Variants in TGM4 observed in about 807,000 individuals in gnomAD.
TGM4 encodes transglutaminase 4.
TGM4 carries 61 observed loss-of-function variants against 76.3 expected under a neutral mutation model. The observed-to-expected ratio is 0.80, with a 90% CI of 0.65 to 0.99. The LOEUF (loss-of-function observed/expected upper bound fraction) is 0.99, where lower values mean the gene tolerates loss of function less well. Ranked by LOEUF, TGM4 falls within the 50% of genes least tolerant of loss-of-function variation. The pLI is 0.00. For missense variants in TGM4, 794 were observed against 843.2 expected (o/e 0.94, Z 0.72); for synonymous variants, 337 against 329.8 (o/e 1.02, Z -0.24).
rs1044497896 is a variant in TGM4, at chr3:44,910,141, C to T, written c.1379C>T (p.Ser460Phe). 1.1e-5 allele frequency: 17 copies of T among 1,614,188 alleles called. No individual in the cohort carries two copies. Among genetic ancestry groups the T allele is most frequent in the Non-Finnish European group, 1.4e-5 (17 of 1,180,038 alleles). Residue 460 changes from serine (S) to phenylalanine (F), a missense_variant, in exon 11 of 14, where the codon TCT (serine) becomes TTT (phenylalanine). Transcript: ENST00000296125. Reference sequence around the variant, plus strand: ...GATCATGCCTTCCTCCTTCTCAGTTCTGAGAGGGAGCACAGACGACCTGTA... The same window carrying T: ...GATCATGCCTTCCTCCTTCTCAGTTTTGAGAGGGAGCACAGACGACCTGTA... ...VMDHAFLLLS[S>F]EREHRRPVKE...
intron 1 of TGM4, among the ~76,000 whole-genome samples, chr3:44,883,658 C>T (rs903616799): frequency 5.9e-5 from 9 of 152,176 alleles, no homozygotes; most frequent in African/African-American, 1.9e-4. Flanking sequence ...CTGGAGGCAG[C>T]AGGTTCCCAG....
Position 44,901,658 on chromosome 3 carries a change from C to A in TGM4, c.792C>A (p.Cys264Ter), listed in dbSNP as rs750841542. ...QQYYNTKQAV[C>*]FGQCWVFAGI... ...ACTACAACACGAAGCAGGCTGTGTG[C>A]TTTGGCCAGTGCTGGGTGTTTGCTG... is the stretch of plus-strand genomic sequence containing the variant. The change falls in exon 7 of 14, where the codon TGC (cysteine) becomes TGA (stop). Residue 264 changes from cysteine to a stop codon, truncating the protein, a stop_gained. Transcript: ENST00000296125. LOFTEE classifies it high-confidence loss of function. 6 of 1,614,212 alleles carry A rather than the reference C, an allele frequency of 3.7e-6. No individual in the cohort carries two copies. Among genetic ancestry groups the A allele is most frequent in the Non-Finnish European group, 5.1e-6 (6 of 1,180,036 alleles).
rs1189091023 is a variant in TGM4, at chr3:44,911,048, T to C, written c.1697T>C (p.Ile566Thr). 1.9e-6 allele frequency: 3 copies of C among 1,614,106 alleles called. No individual in the cohort carries two copies. Among genetic ancestry groups the C allele is most frequent in the African/African-American group, 1.3e-5 (1 of 74,936 alleles). Residue 566 changes from isoleucine (I) to threonine (T), a missense_variant, in exon 12 of 14, where the codon ATT (isoleucine) becomes ACT (threonine). Physicochemically the swap from Ile to Thr is moderately conservative, Grantham distance 89. Coordinates refer to ENST00000296125, the MANE Select transcript of TGM4 (RefSeq NM_003241.4). ...DDEPVIRGFI[I>T]AEIVESKEIM... ...GAGCCAGTTATCAGAGGTTTCATCA[T>C]TGCGGAAATTGTGGAGTCTAAGGAA...
At chr3:44,880,593 C>G (rs1406954057) in intron 1 of TGM4, among the ~76,000 whole-genome samples, 1 of 152,094 alleles carries the variant, frequency 6.6e-6, no homozygotes, top group Non-Finnish European at 1.5e-5. Context: ...GAAAAATCAG[C>G]AAAGGGAAAA....
In TGM4 at chr3:44,913,607, T is replaced by C. The variant is rs1700038289; in HGVS notation, c.1937T>C (p.Ile646Thr). The C allele has an allele frequency of 6.2e-7, 1 of 1,614,126 alleles. No homozygotes were observed. The highest frequency in any genetic ancestry group is 1.1e-5 in the South Asian group (1 of 91,072). Residue 646 changes from isoleucine to threonine, a missense_variant, in exon 14 of 14, where the codon ATC (isoleucine) becomes ACC (threonine). By Grantham distance (89) the Ile-to-Thr change is moderately conservative. Coordinates refer to ENST00000296125, the MANE Select transcript of TGM4 (RefSeq NM_003241.4). ...DHGTVQPGETIQSQIKCTPIK... is the reference protein window; with the variant it reads ...DHGTVQPGETTQSQIKCTPIK... The stretch of plus-strand genomic sequence containing the variant: ...AGGACGGTGCAGCCTGGTGAGACCA[T>C]CCAATCCCAAATAAAATGCACCCCA...
chr3:44,893,764 G>A (rs1699736515), intron 5 of TGM4, 69 bp downstream of exon 5: 2 of 1,333,294 alleles, frequency 1.5e-6, no homozygotes, highest in South Asian at 2.4e-5. Flanking sequence ...CTGGGTAGTA[G>A]TCAGTAAAGG....
rs767122963 is a variant in TGM4, at chr3:44,910,283, G to T, written c.1521G>T (p.Leu507Phe). 4 of 1,614,124 alleles carry T rather than the reference G, an allele frequency of 2.5e-6. No individual in the cohort carries two copies. Among genetic ancestry groups the T allele is most frequent in the Non-Finnish European group, 3.4e-6 (4 of 1,180,022 alleles). Residue 507 changes from leucine to phenylalanine, a missense_variant, in exon 11 of 14, where the codon TTG becomes TTT. Physicochemically the swap from Leu to Phe is conservative, Grantham distance 22. Transcript: ENST00000296125. The part of the protein sequence containing the change: ...KTAALQNVNI[L>F]GSFELQLYTG... ...CTGCCCTACAGAATGTCAACATCTTGGGCTCCTTTGAACTACAGTTGTACA... is the reference window on the plus strand; with the variant it reads ...CTGCCCTACAGAATGTCAACATCTTTGGCTCCTTTGAACTACAGTTGTACA...
chr3:44,885,250 T>C (rs1346823468), intron 1 of TGM4, 75 bp from the exon 2 acceptor site: 1 of 1,464,802 alleles, frequency 6.8e-7, no homozygotes, highest in African/African-American at 1.4e-5. Flanking sequence ...CTCTCAGATT[T>C]TGAACCCAGA....
intron 3 of TGM4, among the ~76,000 whole-genome samples, chr3:44,889,377 G>A (rs1272965560): frequency 6.6e-6 from 1 of 151,910 alleles, no homozygotes; most frequent in Non-Finnish European, 1.5e-5. Context: ...CTCAAATGTG[G>A]CACATCCTAT....
Position 44,910,944 on chromosome 3 carries a change from T to G in TGM4, c.1607-14T>G. The stretch of plus-strand genomic sequence containing the variant: ...GATGAATGACCTCTCCCCTCCACCC[T>G]GACTCTTTGGCAGTATCAGAAGTGA... On this transcript the variant is annotated splice_polypyrimidine_tract_variant and intron_variant, in intron 11 of 13. Coordinates refer to ENST00000296125, the MANE Select transcript of TGM4 (RefSeq NM_003241.4). The G allele has an allele frequency of 6.2e-7, 1 of 1,612,532 alleles. No homozygotes were observed. The highest frequency in any genetic ancestry group is 8.5e-7 in the Non-Finnish European group (1 of 1,178,630).
In TGM4 at chr3:44,885,420, G is replaced by A. The variant is rs1291447536; in HGVS notation, c.115G>A (p.Gly39Arg). 6.2e-6 allele frequency: 10 copies of A among 1,613,676 alleles called. No homozygotes were observed. The highest frequency in any genetic ancestry group is 1.3e-5 in the African/African-American group (1 of 74,878). ...FQTSSPVFRR[G>R]QVFHLRLVLN... ...AACGAGCAGTCCTGTGTTCCGGCGA[G>A]GACAGGTGTTTCACCTGCGGCTGGT... Residue 39 changes from glycine (G) to arginine (R), a missense_variant, in exon 2 of 14, where the codon GGA becomes AGA. Gly to Arg is a moderately radical substitution (Grantham distance 125, BLOSUM62 -2). Coordinates refer to ENST00000296125, the MANE Select transcript of TGM4 (RefSeq NM_003241.4).
chr3:44,900,923 C>T (rs543905497), intron 6 of TGM4: 2 of 153,242 alleles, frequency 1.3e-5, no homozygotes, highest in South Asian at 2.1e-4. Context: ...CAGGCATAGG[C>T]TTAACCCAGG....
chr3:44,894,852 T>A (rs746600487), intron 5 of TGM4, among the ~76,000 whole-genome samples: 3 of 151,978 alleles, frequency 2.0e-5, no homozygotes, highest in Non-Finnish European at 2.9e-5. Context: ...CACTCATTCC[T>A]AGAAGGCCCT....
chr3:44,889,507 CA>C (rs1222208932), intron 3 of TGM4, among the ~76,000 whole-genome samples: 1 of 151,140 alleles, frequency 6.6e-6, no homozygotes, highest in Non-Finnish European at 1.5e-5. Flanking sequence ...GACTCTGTCT[CA>C]AAAAAAAGGG....
chr3:44,910,917 A>G lies in TGM4; in HGVS notation c.1607-41A>G, dbSNP rs1349483562. 3.7e-6 allele frequency: 6 copies of G among 1,600,752 alleles called. No individual in the cohort carries two copies. In the South Asian group the frequency reaches 5.6e-5, roughly 15 times the overall value. On this transcript the variant is annotated intron_variant, in intron 11 of 13. Transcript: ENST00000296125. ...TGAGGAGAACTCATACTGGGGGGGT[A>G]TGATGAATGACCTCTCCCCTCCACC...
chr3:44,877,859 T>C (rs974285037), intron 1 of TGM4, among the ~76,000 whole-genome samples: 1 of 152,308 alleles, frequency 6.6e-6, no homozygotes, highest in Admixed American at 6.5e-5. Context: ...CAAAGATACA[T>C]GTACAAGGAA....
In TGM4 at chr3:44,911,077, A is replaced by T. The variant is rs1320397560; in HGVS notation, c.1726A>T (p.Met576Leu). 6 of 1,614,184 alleles carry T rather than the reference A, an allele frequency of 3.7e-6. No homozygotes were observed. The highest frequency in any genetic ancestry group is 5.1e-6 in the Non-Finnish European group (6 of 1,180,036). ...IAEIVESKEI[M>L]ASEVFTSFQY... Reference sequence around the variant, plus strand: ...GGAAATTGTGGAGTCTAAGGAAATCATGGCCTCTGAAGTATTCACGTCTTT... The same window carrying T: ...GGAAATTGTGGAGTCTAAGGAAATCTTGGCCTCTGAAGTATTCACGTCTTT... Residue 576 changes from methionine (M) to leucine (L), a missense_variant, in exon 12 of 14, where the codon ATG becomes TTG. Coordinates refer to ENST00000296125, the MANE Select transcript of TGM4 (RefSeq NM_003241.4).
chr3:44,896,482 A>G (rs1210310741), intron 5 of TGM4, among the ~76,000 whole-genome samples: 1 of 152,218 alleles, frequency 6.6e-6, no homozygotes, highest in Non-Finnish European at 1.5e-5. Flanking sequence ...ACTTCCTTTT[A>G]GTGGCTGCAT....
chr3:44,908,289 C>T (rs1358296656), intron 10 of TGM4, among the ~76,000 whole-genome samples: 2 of 152,206 alleles, frequency 1.3e-5, no homozygotes, highest in African/African-American at 4.8e-5. Context: ...TCCTGTCTTA[C>T]AGCTGCTATC....
Sources: allele counts gnomAD v4.1 joint callset (sites outside exome capture counted in the v4.1 genomes callset), GRCh38; gene constraint gnomAD v4.1.1; transcripts MANE v1.5; gene names NCBI Gene and HGNC (gene_info 2026-07-23, HGNC 2026-07-21).